Variants in RORA observed in about 807,000 individuals in gnomAD.
RORA encodes the protein nuclear receptor ROR-alpha.
A neutral mutation model predicts 69.5 loss-of-function variants in RORA; 7 were observed. The observed-to-expected ratio is 0.10, with a 90% CI of 0.06 to 0.19. The LOEUF (loss-of-function observed/expected upper bound fraction) is 0.19, where lower values mean the gene tolerates loss of function less well. RORA is among the 10% of genes least tolerant of loss of function. The pLI is 1.00. For missense variants in RORA, 457 were observed against 663.0 expected (o/e 0.69, Z 3.41); for synonymous variants, 261 against 240.8 (o/e 1.08, Z -0.78).
chr15:60,899,745 T>C (rs1891333682), intron 1 of RORA, among the ~76,000 whole-genome samples: 1 of 152,228 alleles, frequency 6.6e-6, no homozygotes. Context: ...CCAGATTAAA[T>C]AGAGCTTTAT....
chr15:60,989,386 T>G (rs1381618292), intron 1 of RORA, among the ~76,000 whole-genome samples: 3 of 152,254 alleles, frequency 2.0e-5, no homozygotes, highest in African/African-American at 7.2e-5. Context: ...AGTTGTAGCA[T>G]ATATCAGTAC....
At chr15:61,165,074 C>A (rs2079529305) in intron 1 of RORA, among the ~76,000 whole-genome samples, 1 of 152,166 alleles carries the variant, frequency 6.6e-6, no homozygotes, top group Non-Finnish European at 1.5e-5. Flanking sequence ...TCTGTAGGTT[C>A]CCCTAGCAAA....
At chr15:60,777,814 T>C (rs1387687939) in intron 1 of RORA, among the ~76,000 whole-genome samples, 2 of 152,108 alleles carry the variant, frequency 1.3e-5, no homozygotes, top group African/African-American at 4.8e-5. Flanking sequence ...ATACCCATAG[T>C]CGAGGAGCGT....
At chr15:60,923,342 G>T (rs940959229) in intron 1 of RORA, among the ~76,000 whole-genome samples, 2 of 152,106 alleles carry the variant, frequency 1.3e-5, no homozygotes, top group African/African-American at 4.8e-5. Flanking sequence ...CCGAACAAAG[G>T]GCCTTCATTT....
At chr15:61,200,209 G>C (rs766730693) in intron 1 of RORA, among the ~76,000 whole-genome samples, 1 of 152,150 alleles carries the variant, frequency 6.6e-6, no homozygotes, top group Admixed American at 6.5e-5. Flanking sequence ...ATTCTGCTTC[G>C]TTTCTGGCAT....
At chr15:61,002,680 T>A (rs1453448390) in intron 1 of RORA, among the ~76,000 whole-genome samples, 8 of 152,104 alleles carry the variant, frequency 5.3e-5, no homozygotes, top group Non-Finnish European at 1.0e-4. Flanking sequence ...TGCAAGCAAA[T>A]CATGCCGCTT....
chr15:61,191,375 A>T (rs1200005387), intron 1 of RORA, among the ~76,000 whole-genome samples: 1 of 152,104 alleles, frequency 6.6e-6, no homozygotes, highest in Non-Finnish European at 1.5e-5. Context: ...CAAAAAAAAA[A>T]AAAAAAGAAA....
At chr15:60,899,309 A>G (rs1309500196) in intron 1 of RORA, among the ~76,000 whole-genome samples, 1 of 152,222 alleles carries the variant, frequency 6.6e-6, no homozygotes, top group Non-Finnish European at 1.5e-5. Context: ...GGCATGTCAA[A>G]AGCACATCAT....
Position 61,016,834 on chromosome 15 carries a change from T to C in RORA, c.166+212219A>G, listed in dbSNP as rs367790036. 3.3e-4 allele frequency among the ~76,000 whole-genome samples: 51 copies of C among 152,282 alleles called. No homozygotes were observed. The East Asian group carries it at 4.1e-3, about 12-fold the overall frequency. On this transcript the variant is annotated intron_variant, in intron 1 of 10. Coordinates refer to ENST00000335670, the MANE Select transcript of RORA (RefSeq NM_134261.3). Reference sequence around the variant, plus strand: ...GAGAAAACTGGTGGAGTAGTCCCCCTGGTAAAAGCTTACTTTTAAAGTAAA... The same window carrying C: ...GAGAAAACTGGTGGAGTAGTCCCCCCGGTAAAAGCTTACTTTTAAAGTAAA...
chr15:60,701,487 T>G (rs1343557044), intron 1 of RORA, among the ~76,000 whole-genome samples: 1 of 152,156 alleles, frequency 6.6e-6, no homozygotes, highest in Non-Finnish European at 1.5e-5. Flanking sequence ...CAATTTAGTG[T>G]CCGGTGAACA....
intron 1 of RORA, among the ~76,000 whole-genome samples, chr15:60,753,649 G>C (rs369140571): frequency 3.3e-5 from 5 of 152,184 alleles, no homozygotes; most frequent in African/African-American, 9.7e-5. Context: ...GAAGCAATGA[G>C]ATTGAAATCC....
At chr15:60,873,633 G>A (rs2073582925) in intron 1 of RORA, among the ~76,000 whole-genome samples, 2 of 152,116 alleles carry the variant, frequency 1.3e-5, no homozygotes, top group African/African-American at 4.8e-5. Flanking sequence ...TTGCTGCTAA[G>A]ATAAATGACT....
chr15:60,661,703 C>T (rs1051840228), intron 2 of RORA, among the ~76,000 whole-genome samples: 10 of 152,280 alleles, frequency 6.6e-5, no homozygotes, highest in African/African-American at 1.4e-4. Context: ...TGGAAAGCTA[C>T]GGAAGATTTA....
intron 1 of RORA, among the ~76,000 whole-genome samples, chr15:60,918,530 A>G (rs914098535): frequency 6.6e-6 from 1 of 152,208 alleles, no homozygotes; most frequent in Non-Finnish European, 1.5e-5. Context: ...GGCACTTTGG[A>G]GATGCATGAT....
At chr15:60,555,988 T>A (rs552072052) in intron 2 of RORA, among the ~76,000 whole-genome samples, 32 of 152,282 alleles carry the variant, frequency 2.1e-4, no homozygotes, top group Non-Finnish European at 4.0e-4. Context: ...CTTACACATC[T>A]CAAAACACCC....
Position 60,653,298 on chromosome 15 carries a change from C to CGTGTGTGT in RORA, c.196+25351_196+25358dup, listed in dbSNP as rs61265165. ...TTGGCATAATGTGTACAGGTGCATG[C>CGTGTGTGT]GTGTGTGTGTGTGTGTGTGTGTGTG... On this transcript the variant is annotated intron_variant, in intron 2 of 10. Coordinates refer to ENST00000335670, the MANE Select transcript of RORA (RefSeq NM_134261.3). 6.3e-3 allele frequency among the ~76,000 whole-genome samples: 923 copies of CGTGTGTGT among 147,578 alleles called. 1 individual carries two copies. Among genetic ancestry groups the CGTGTGTGT allele is most frequent in the Non-Finnish European group, 9.2e-3 (614 of 66,528 alleles).
At chr15:60,996,592 T>C (rs892839428) in intron 1 of RORA, among the ~76,000 whole-genome samples, 1 of 152,154 alleles carries the variant, frequency 6.6e-6, no homozygotes, top group Admixed American at 6.5e-5. Flanking sequence ...TTGTGTCATA[T>C]CATCAGTTAC....
Position 61,032,638 on chromosome 15 carries a change from A to G in RORA, c.166+196415T>C, listed in dbSNP as rs73424307. Among the ~76,000 whole-genome samples the G allele has an allele frequency of 3.4e-3, 515 of 152,328 alleles. 3 individuals are homozygous for G. Among genetic ancestry groups the G allele is most frequent in the African/African-American group, 0.012 (483 of 41,580 alleles). On this transcript the variant is annotated intron_variant, in intron 1 of 10. Coordinates refer to ENST00000335670, the MANE Select transcript of RORA (RefSeq NM_134261.3). Reference sequence around the variant, plus strand: ...CACAACTAAAGTCATTTTGAAAACAATGAAAAGAGGCCAAAGTTAAGTCTA... The same window carrying G: ...CACAACTAAAGTCATTTTGAAAACAGTGAAAAGAGGCCAAAGTTAAGTCTA...
intron 1 of RORA, among the ~76,000 whole-genome samples, chr15:60,885,742 C>T (rs2073743312): frequency 6.6e-6 from 1 of 152,220 alleles, no homozygotes; most frequent in African/African-American, 2.4e-5. Context: ...AAATCTTAGC[C>T]TTGCCATTTG....
Sources: allele counts gnomAD v4.1 joint callset (sites outside exome capture counted in the v4.1 genomes callset), GRCh38; gene constraint gnomAD v4.1.1; transcripts MANE v1.5; gene names NCBI Gene and HGNC (gene_info 2026-07-23, HGNC 2026-07-21).